The following DUSP26 variants were observed in gnomAD, a reference collection of about 807,000 sequenced individuals.
DUSP26 encodes dual specificity phosphatase 26.
DUSP26 carries 12 observed loss-of-function variants against 20.0 expected under a neutral mutation model. The ratio of observed to expected loss-of-function variants is 0.60; its 90% confidence interval spans 0.38 to 0.97. The LOEUF (loss-of-function observed/expected upper bound fraction) is 0.97, where lower values mean the gene tolerates loss of function less well. DUSP26 is among the 50% of genes least tolerant of loss of function. The pLI is 0.00. For missense variants in DUSP26, 230 were observed against 294.0 expected, an observed-to-expected ratio of 0.78 and a Z score of 1.59; for synonymous variants, 120 against 118.8, an observed-to-expected ratio of 1.01 and a Z score of -0.06.
At chr8:33,599,249 A>G (rs752423725) in intron 1 of DUSP26, among the ~76,000 whole-genome samples, 6 of 151,598 alleles carry the variant, frequency 4.0e-5, no homozygotes, top group Non-Finnish European at 7.4e-5. Flanking sequence ...CCTCTTAGAG[A>G]GTCTGCTGTC....
chr8:33,594,171 A>C (rs973113207), intron 2 of DUSP26, among the ~76,000 whole-genome samples: 5 of 152,232 alleles, frequency 3.3e-5, no homozygotes, highest in African/African-American at 1.2e-4. Context: ...CTAGTGATCC[A>C]GAAGGGAGGA....
Position 33,597,329 on chromosome 8 carries a change from C to A in DUSP26, c.187G>T (p.Asp63Tyr). The change falls in exon 2 of 4, where the codon GAC (aspartate) becomes TAC (tyrosine). Residue 63 changes from aspartate (D) to tyrosine (Y), a missense_variant. Coordinates refer to ENST00000256261, the MANE Select transcript of DUSP26 (RefSeq NM_024025.3). ...AGATAGAGGCCTGGCCAGACCTCGT[C>A]GGCATGGTTACAGGCTGTCTTGCCT... ...YTGKTACNHA[D>Y]EVWPGLYLGD... 6.2e-7 allele frequency: 1 copy of A among 1,613,530 alleles called. No homozygotes were observed. Among genetic ancestry groups the A allele is most frequent in the East Asian group, 2.2e-5 (1 of 44,874 alleles).
At chr8:33,592,365 G>A (rs1811042337) in intron 3 of DUSP26, among the ~76,000 whole-genome samples, 153 bp from the exon 4 acceptor site, 1 of 151,742 alleles carries the variant, frequency 6.6e-6, no homozygotes, top group South Asian at 2.1e-4. Flanking sequence ...GAGGTCAGGA[G>A]TTCGAGACCA....
At chr8:33,594,533 A>C (rs1811097745) in intron 2 of DUSP26, among the ~76,000 whole-genome samples, 1 of 151,110 alleles carries the variant, frequency 6.6e-6, no homozygotes, top group Non-Finnish European at 1.5e-5. Flanking sequence ...CGGAGCTTGC[A>C]GTGAGCCGAG....
chr8:33,592,766 A>G (rs1311714440), intron 3 of DUSP26, among the ~76,000 whole-genome samples: 2 of 152,172 alleles, frequency 1.3e-5, no homozygotes, highest in South Asian at 4.1e-4. Flanking sequence ...CACTGATGTA[A>G]GAGCCAGCTT....
At chr8:33,592,549 A>T (rs1293219056) in intron 3 of DUSP26, among the ~76,000 whole-genome samples, 1 of 150,058 alleles carries the variant, frequency 6.7e-6, no homozygotes, top group Non-Finnish European at 1.5e-5. Flanking sequence ...AAAAAAAAAA[A>T]AAAAAAAAAA....
chr8:33,592,827 C>A (rs1811054245), intron 3 of DUSP26, among the ~76,000 whole-genome samples: 2 of 152,062 alleles, frequency 1.3e-5, no homozygotes, highest in Admixed American at 1.3e-4. Context: ...ATTACTGGCC[C>A]CTTCCTCAAT....
At chr8:33,595,128 C>T (rs373748255) in intron 2 of DUSP26, among the ~76,000 whole-genome samples, 2 of 152,218 alleles carry the variant, frequency 1.3e-5, no homozygotes, top group African/African-American at 4.8e-5. Context: ...CTGGGGTATT[C>T]AGGCAGAAAG....
rs1384497994 is a variant in DUSP26, at chr8:33,593,702, C to T, written c.267G>A (p.Thr89=). ...GGCTGTGTGAGGCATTGAGGACGTG[C>T]GTGATGCCCAGGCGGCGAAGCTCCC... The part of the protein sequence containing the change: ...NRRELRRLGI[T]HVLNASHSRW... The change falls in exon 3 of 4, where the codon ACG becomes ACA. Residue 89 remains threonine, a synonymous_variant. Transcript: ENST00000256261. The T allele has an allele frequency of 5.6e-6, 9 of 1,614,216 alleles. No homozygotes were observed. In the East Asian group the frequency reaches 6.7e-5, roughly 12 times the overall value.
intron 3 of DUSP26, 109 bp from the exon 4 acceptor site, chr8:33,592,321 A>T (rs1485323453): frequency 3.5e-6 from 4 of 1,140,238 alleles, no homozygotes; most frequent in Non-Finnish European, 4.8e-6. Flanking sequence ...CGGTAATTCC[A>T]GCACTTTTGG....
chr8:33,598,058 C>A (rs1811192935), intron 1 of DUSP26, among the ~76,000 whole-genome samples: 1 of 152,024 alleles, frequency 6.6e-6, no homozygotes, highest in South Asian at 2.1e-4. Context: ...AGCAGGGAGA[C>A]AACAGCAGCT....
intron 1 of DUSP26, 54 bp from the exon 2 acceptor site, chr8:33,597,645 C>G: frequency 1.4e-6 from 1 of 737,020 alleles, no homozygotes; most frequent in Admixed American, 2.9e-5. Flanking sequence ...GCAGCTGCTT[C>G]CCTTCCCTGG....
At chr8:33,598,485 G>A (rs1244246922) in intron 1 of DUSP26, among the ~76,000 whole-genome samples, 5 of 149,306 alleles carry the variant, frequency 3.3e-5, no homozygotes, top group Non-Finnish European at 5.9e-5. Flanking sequence ...GTCTTGAGGG[G>A]AGGGGGGACA....
At chr8:33,597,856 C>A (rs954003790) in intron 1 of DUSP26, 1 of 247,504 alleles carries the variant, frequency 4.0e-6, no homozygotes, top group South Asian at 5.8e-5. Flanking sequence ...TCAGCTTCAT[C>A]ACCCCACCCC....
intron 1 of DUSP26, among the ~76,000 whole-genome samples, chr8:33,598,128 C>T (rs890463480): frequency 6.6e-6 from 1 of 152,000 alleles, no homozygotes; most frequent in African/African-American, 2.4e-5. Context: ...TTAACCCCTT[C>T]GTGACCTGCC....
chr8:33,594,591 C>CA (rs1221904236), intron 2 of DUSP26, among the ~76,000 whole-genome samples: 5 of 150,150 alleles, frequency 3.3e-5, no homozygotes, highest in Admixed American at 6.7e-5. Context: ...GACTCCATCT[C>CA]AAAAAAAACA....
intron 3 of DUSP26, 77 bp from the exon 4 acceptor site, chr8:33,592,289 G>A: frequency 7.2e-7 from 1 of 1,382,818 alleles, no homozygotes; most frequent in Non-Finnish European, 9.7e-7. Context: ...GGTGACATGG[G>A]GCCGGGCATG....
intron 3 of DUSP26, among the ~76,000 whole-genome samples, chr8:33,593,044 G>C (rs1811058503): frequency 6.6e-6 from 1 of 152,088 alleles, no homozygotes; most frequent in Non-Finnish European, 1.5e-5. Flanking sequence ...GGCCGAGGCG[G>C]GTGGATCACC....
At chr8:33,593,132 TGTG>T (rs1157779480) in intron 3 of DUSP26, among the ~76,000 whole-genome samples, 1 of 152,018 alleles carries the variant, frequency 6.6e-6, no homozygotes, top group African/African-American at 2.4e-5. Flanking sequence ...ATTAGCTGGA[TGTG>T]GTGGCGGACA....
Sources: allele counts gnomAD v4.1 joint callset (sites outside exome capture counted in the v4.1 genomes callset), GRCh38; gene constraint gnomAD v4.1.1; transcripts MANE v1.5; gene names NCBI Gene and HGNC (gene_info 2026-07-23, HGNC 2026-07-21).